SCAMP4: variants seen among roughly 807,000 people sequenced by gnomAD.
SCAMP4 encodes secretory carrier-associated membrane protein 4.
Under a neutral mutation model 32.1 loss-of-function variants are expected in SCAMP4, and 19 were observed. The observed-to-expected ratio is 0.59, with a 90% CI of 0.41 to 0.87. The LOEUF (loss-of-function observed/expected upper bound fraction) is 0.87. Among genes scored for constraint, SCAMP4 ranks in the 40% least tolerant of loss-of-function variants. The pLI is 0.00. For synonymous variants in SCAMP4, 152 were observed against 132.7 expected, an observed-to-expected ratio of 1.15 and a Z score of -1.00; for missense variants, 302 against 309.0, an observed-to-expected ratio of 0.98 and a Z score of 0.17.
At chr19:1,907,971 G>A (rs192087969) in intron 1 of SCAMP4, 26 of 154,592 alleles carry the variant, frequency 1.7e-4, no homozygotes, top group Non-Finnish European at 3.0e-4. Flanking sequence ...CCAAGGGCGC[G>A]GCGGGCCCAG....
At chr19:1,911,810 G>T (rs2013464762) in intron 1 of SCAMP4, 7 of 421,694 alleles carry the variant, frequency 1.7e-5, no homozygotes, top group African/African-American at 2.0e-5. Context: ...AAAAAAAAAA[G>T]AAAATGATCT....
In SCAMP4 at chr19:1,918,085, C is replaced by A. The variant is rs866131306; in HGVS notation, c.137-42C>A. 6 of 1,578,144 alleles carry A rather than the reference C, an allele frequency of 3.8e-6. No individual in the cohort carries two copies. The African/African-American group carries it at 8.1e-5, about 21-fold the overall frequency. ...GGGCCCATGCTTTCCCACGGCCACA[C>A]CCTCCCGTGCCTGCTCATCCGTCCT... On this transcript the variant is annotated intron_variant, in intron 3 of 6. Transcript: ENST00000316097.
chr19:1,921,254 G>A (rs977676066), intron 5 of SCAMP4: 53 of 985,382 alleles, frequency 5.4e-5, no homozygotes, highest in Non-Finnish European at 6.3e-5. Flanking sequence ...CGACAGCCCC[G>A]CTCTCCCTGC....
intron 5 of SCAMP4, chr19:1,921,360 C>G (rs1022368938): frequency 4.9e-5 from 48 of 985,316 alleles, no homozygotes; most frequent in Non-Finnish European, 5.3e-5. Context: ...ACTGGAAACT[C>G]CAGAGAAATG....
In SCAMP4 at chr19:1,908,789, G is replaced by A. The variant is rs572094743; in HGVS notation, c.-42+3350G>A. 3.9e-5 allele frequency among the ~76,000 whole-genome samples: 6 copies of A among 152,180 alleles called. No individual in the cohort carries two copies. Among genetic ancestry groups the A allele is most frequent in the Admixed American group, 2.6e-4 (4 of 15,258 alleles). On this transcript the variant is annotated intron_variant, in intron 1 of 6. Coordinates refer to ENST00000316097, the MANE Select transcript of SCAMP4 (RefSeq NM_079834.4). The surrounding 1 kb of genome is among the most constrained non-coding windows in gnomAD (Gnocchi z 4.2). Reference sequence around the variant, plus strand: ...GCTGGGACTACATGTGCACACCACCGTGCCCAACTAATTTATACTTTTAAG... The same window carrying A: ...GCTGGGACTACATGTGCACACCACCATGCCCAACTAATTTATACTTTTAAG...
chr19:1,912,144 G>C, intron 1 of SCAMP4: 4 of 1,562,408 alleles, frequency 2.6e-6, no homozygotes, highest in African/African-American at 2.7e-5. Context: ...CTTGGAGGCC[G>C]GGAGCCCGGA....
chr19:1,912,960 G>A (rs1451781165), intron 1 of SCAMP4: 3 of 1,610,190 alleles, frequency 1.9e-6, no homozygotes, highest in Non-Finnish European at 2.5e-6. Context: ...CGTGACCCGC[G>A]AGCCCTGCGC....
chr19:1,906,367 A>C (rs1340981319), intron 1 of SCAMP4: 1 of 152,152 alleles, frequency 6.6e-6, no homozygotes, highest in South Asian at 2.1e-4. Context: ...CTCCAAAAAA[A>C]AGAAAAAAAG....
At chr19:1,910,162 C>T (rs1387972597) in intron 1 of SCAMP4, among the ~76,000 whole-genome samples, 1 of 152,186 alleles carries the variant, frequency 6.6e-6, no homozygotes, top group Non-Finnish European at 1.5e-5. Flanking sequence ...ATGGCTGGCT[C>T]CTCTCTGCGG....
intron 1 of SCAMP4, chr19:1,906,216 T>G (rs1306433135): frequency 6.6e-6 from 1 of 151,986 alleles, no homozygotes; most frequent in Non-Finnish European, 1.5e-5. Context: ...AAAAATTAGC[T>G]GGGCGTGGTG....
At chr19:1,921,448 C>G in intron 5 of SCAMP4, 1 of 985,416 alleles carries the variant, frequency 1.0e-6, no homozygotes, top group Non-Finnish European at 1.2e-6. Context: ...CACGGTGCAG[C>G]AGGGGCCCCC....
chr19:1,921,647 A>T (rs2013924234), intron 5 of SCAMP4: 1 of 985,232 alleles, frequency 1.0e-6, no homozygotes, highest in African/African-American at 1.7e-5. Context: ...CTTTTCATAA[A>T]TCTAAAATTA....
intron 1 of SCAMP4, chr19:1,913,278 G>A (rs1568767147): frequency 4.5e-6 from 6 of 1,335,124 alleles, no homozygotes; most frequent in African/African-American, 4.5e-5. Context: ...CGCCTCCAGC[G>A]GGGAGCACGG....
intron 1 of SCAMP4, among the ~76,000 whole-genome samples, chr19:1,909,737 G>A (rs1227704773): frequency 2.6e-5 from 4 of 152,160 alleles, no homozygotes; most frequent in African/African-American, 9.7e-5. Flanking sequence ...AGCTCTTCCC[G>A]CAGCCCCACT....
rs770769059 is a variant in SCAMP4 at position 1,912,205 on chromosome 19, CAG to C, written c.-41-2773_-41-2772del. ...CTCCCTGTCCTGTCCGAGAAGCAGT[CAG>C]GGGACGTGGAGCTGGTGCTGGCCTA... On this transcript the variant is annotated intron_variant, in intron 1 of 6. Coordinates refer to ENST00000316097, the MANE Select transcript of SCAMP4 (RefSeq NM_079834.4). 6.9e-6 allele frequency: 11 copies of C among 1,589,806 alleles called. No individual in the cohort carries two copies. The highest frequency in any genetic ancestry group is 4.0e-5 in the African/African-American group (3 of 74,506).
chr19:1,916,200 T>G (rs1046493189), intron 2 of SCAMP4, among the ~76,000 whole-genome samples: 1 of 150,332 alleles, frequency 6.7e-6, no homozygotes, highest in Admixed American at 6.6e-5. Context: ...ATCACGCCAC[T>G]GCACTCCAGC....
At chr19:1,921,751 G>A (rs2013927332) in intron 5 of SCAMP4, 1 of 983,528 alleles carries the variant, frequency 1.0e-6, no homozygotes, top group South Asian at 4.7e-5. Flanking sequence ...GCCAAAGCAG[G>A]AGAATCACTG....
In SCAMP4 at chr19:1,921,609, C is replaced by T. The variant is rs116679297; in HGVS notation, c.396-1461C>T. 4,821 of 985,388 alleles carry T rather than the reference C, an allele frequency of 4.9e-3. 173 individuals are homozygous for T. The African/African-American group carries it at 0.077, about 16-fold the overall frequency. 61.0% of individuals were successfully genotyped at this position (985,388 alleles called of 1,614,324 possible). A position where few individuals can be genotyped will look rare whatever the true frequency, so the allele number is the denominator to read the frequency against. On this transcript the variant is annotated intron_variant, in intron 5 of 6. Coordinates refer to ENST00000316097, the MANE Select transcript of SCAMP4 (RefSeq NM_079834.4). ...GGCCAGTGGGAAGCTGCGGGGGCGG[C>T]GGCAGGAGTCCTCAAATGCCTTTGC... is the stretch of plus-strand genomic sequence containing the variant.
At chr19:1,916,824 G>A (rs1180247603) in intron 2 of SCAMP4, among the ~76,000 whole-genome samples, 2 of 152,192 alleles carry the variant, frequency 1.3e-5, no homozygotes, top group Non-Finnish European at 2.9e-5. Context: ...GAACGGAAGC[G>A]TCCCCAGGCC....
Sources: gnomAD v4.1 joint callset for allele counts (sites outside exome capture counted in the v4.1 genomes callset) on GRCh38, gnomAD v4.1.1 for gene constraint, Gnocchi (gnomAD v3.1) non-coding constraint, MANE v1.5 for transcripts, NCBI Gene and HGNC (gene_info 2026-07-23, HGNC 2026-07-21) for gene names.